Variants in DGKB observed in about 807,000 individuals in gnomAD.
DGKB encodes the protein diacylglycerol kinase beta.
Under a neutral mutation model 114.3 loss-of-function variants are expected in DGKB, and 67 were observed. The ratio of observed to expected loss-of-function variants is 0.59; its 90% confidence interval spans 0.48 to 0.72. The LOEUF (loss-of-function observed/expected upper bound fraction) is 0.72, where lower values mean the gene tolerates loss of function less well. Among genes scored for constraint, DGKB ranks in the 30% least tolerant of loss-of-function variants. The pLI is 0.00. For synonymous variants in DGKB, 398 were observed against 323.1 expected (o/e 1.23, Z -2.49); for missense variants, 907 against 975.2 (o/e 0.93, Z 0.93).
intron 9 of DGKB, among the ~76,000 whole-genome samples, chr7:14,689,196 C>CTT (rs1554599070): frequency 3.7e-4 from 30 of 80,298 alleles, no homozygotes; most frequent in Non-Finnish European, 6.0e-4. Context: ...AGAAACTCCT[C>CTT]TTATTTTTTT....
intron 13 of DGKB, among the ~76,000 whole-genome samples, chr7:14,634,481 TACACAC>T (rs34758174): frequency 0.031 from 4,500 of 145,234 alleles, 185 homozygotes; most frequent in African/African-American, 0.098. Flanking sequence ...TACAAAGTGA[TACACAC>T]ACACACACAC....
chr7:14,801,925 T>TATACACACAC (rs1554281696), intron 2 of DGKB, among the ~76,000 whole-genome samples: 2,054 of 148,034 alleles, frequency 0.014, 20 homozygotes, highest in South Asian at 0.03. Flanking sequence ...TATATACATA[T>TATACACACAC]ACACACACAC....
intron 6 of DGKB, among the ~76,000 whole-genome samples, chr7:14,710,310 A>G (rs557194667): frequency 6.6e-6 from 1 of 152,240 alleles, no homozygotes; most frequent in East Asian, 1.9e-4. Flanking sequence ...TTATTTACCT[A>G]TTATTAGTTG....
intron 21 of DGKB, among the ~76,000 whole-genome samples, chr7:14,367,983 A>G (rs1254269979): frequency 1.3e-5 from 2 of 152,180 alleles, no homozygotes; most frequent in Admixed American, 1.3e-4. Context: ...GTGGGGACAC[A>G]GAGCAAAACC....
intron 21 of DGKB, among the ~76,000 whole-genome samples, chr7:14,436,265 T>C (rs943115839): frequency 6.6e-6 from 1 of 152,162 alleles, no homozygotes; most frequent in African/African-American, 2.4e-5. Flanking sequence ...CTTTAAAAAT[T>C]AATTTCCCAT....
intron 21 of DGKB, among the ~76,000 whole-genome samples, chr7:14,428,680 C>T (rs1827960270): frequency 6.6e-6 from 1 of 152,036 alleles, no homozygotes; most frequent in Non-Finnish European, 1.5e-5. Flanking sequence ...GAGGTTTCCT[C>T]TAATTAATGG....
At chr7:14,246,146 C>T (rs1349923386) in intron 23 of DGKB, among the ~76,000 whole-genome samples, 1 of 152,034 alleles carries the variant, frequency 6.6e-6, no homozygotes, top group Non-Finnish European at 1.5e-5. Flanking sequence ...TTCATTTAGC[C>T]TAGGTTTCTC....
chr7:14,853,790 C>T (rs1239168517), intron 1 of DGKB, among the ~76,000 whole-genome samples: 2 of 147,360 alleles, frequency 1.4e-5, no homozygotes, highest in Non-Finnish European at 3.0e-5. Flanking sequence ...ATGGCGTGAA[C>T]CCACGAGGCG....
chr7:14,297,561 A>C (rs1296936133), intron 23 of DGKB, among the ~76,000 whole-genome samples: 1 of 152,186 alleles, frequency 6.6e-6, no homozygotes, highest in Non-Finnish European at 1.5e-5. Flanking sequence ...ATCTCAAAAT[A>C]ATAAGAGCTG....
intron 12 of DGKB, among the ~76,000 whole-genome samples, chr7:14,677,045 C>G (rs964004244): frequency 6.6e-6 from 1 of 151,798 alleles, no homozygotes; most frequent in Non-Finnish European, 1.5e-5. Context: ...GAATTAAACA[C>G]TTGGAAATAA....
At chr7:14,621,109 A>G in intron 15 of DGKB, 1 of 327,198 alleles carries the variant, frequency 3.1e-6, no homozygotes, top group South Asian at 3.9e-5. Flanking sequence ...GTGTATATTT[A>G]GCAATAATTT....
intron 23 of DGKB, among the ~76,000 whole-genome samples, chr7:14,247,760 C>T (rs571127784): frequency 1.3e-4 from 20 of 152,046 alleles, no homozygotes; most frequent in Admixed American, 6.6e-4. Context: ...CTTTATCAGA[C>T]GCATAATTTA....
At chr7:14,669,232 T>C (rs569770842) in intron 13 of DGKB, among the ~76,000 whole-genome samples, 1 of 152,304 alleles carries the variant, frequency 6.6e-6, no homozygotes, top group South Asian at 2.1e-4. Flanking sequence ...AGATAATTTC[T>C]GGTTCTGGTC....
intron 20 of DGKB, among the ~76,000 whole-genome samples, chr7:14,556,611 A>T (rs1795913724): frequency 6.6e-6 from 1 of 152,156 alleles, no homozygotes; most frequent in Non-Finnish European, 1.5e-5. Context: ...TTTAATCACA[A>T]AAAACAGCAA....
At chr7:14,439,258 A>G (rs760239812) in intron 21 of DGKB, among the ~76,000 whole-genome samples, 1 of 152,298 alleles carries the variant, frequency 6.6e-6, no homozygotes, top group East Asian at 1.9e-4. Context: ...AAGAAAATGT[A>G]TCTTCTCAAG....
At position 14,619,261 on chromosome 7, in the gene DGKB, A is replaced by C. The variant is rs145737343; in HGVS notation, c.1284+2117T>G. 1.2e-3 allele frequency among the ~76,000 whole-genome samples: 187 copies of C among 151,644 alleles called. 1 individual carries two copies. Among genetic ancestry groups the C allele is most frequent in the Non-Finnish European group, 2.1e-3 (143 of 67,628 alleles). The stretch of plus-strand genomic sequence containing the variant: ...TTTAGCTGACACTTTTATATGTCAA[A>C]GAAAGTTATAAAAAGTTATTATCTG... On this transcript the variant is annotated intron_variant, in intron 15 of 25. Coordinates refer to ENST00000402815, the MANE Select transcript of DGKB (RefSeq NM_001350709.2).
chr7:14,812,866 T>C (rs1843625360), intron 2 of DGKB, among the ~76,000 whole-genome samples: 1 of 152,182 alleles, frequency 6.6e-6, no homozygotes, highest in Admixed American at 6.5e-5. Flanking sequence ...CTTAGCAATT[T>C]TGCAGCATCA....
intron 1 of DGKB, among the ~76,000 whole-genome samples, chr7:14,850,719 G>C (rs1849236689): frequency 6.6e-6 from 1 of 152,132 alleles, no homozygotes; most frequent in Non-Finnish European, 1.5e-5. Context: ...TCTCACTAAA[G>C]ACATAGTAAA....
At chr7:14,444,567 A>G (rs578000749) in intron 21 of DGKB, among the ~76,000 whole-genome samples, 1 of 151,966 alleles carries the variant, frequency 6.6e-6, no homozygotes, top group Admixed American at 6.6e-5. Context: ...TTTGGATAGT[A>G]AATTGGTAGC....
Sources: gnomAD v4.1 joint callset for allele counts (sites outside exome capture counted in the v4.1 genomes callset) on GRCh38, gnomAD v4.1.1 for gene constraint, MANE v1.5 for transcripts, NCBI Gene and HGNC (gene_info 2026-07-23, HGNC 2026-07-21) for gene names.